The following PDE3B variants were observed in gnomAD, a reference collection of about 807,000 sequenced individuals.
PDE3B encodes the protein cGMP-inhibited 3',5'-cyclic phosphodiesterase 3B.
PDE3B carries 66 observed loss-of-function variants against 116.8 expected under a neutral mutation model. That is an observed-to-expected ratio of 0.56 (90% CI 0.46 to 0.69). The LOEUF (loss-of-function observed/expected upper bound fraction) is 0.69, where lower values mean the gene tolerates loss of function less well. Ranked by LOEUF, PDE3B falls within the 30% of genes least tolerant of loss-of-function variation. The probability of loss-of-function intolerance (pLI) is 0.00; values close to 1 mark genes in which losing one functional copy is unlikely to be tolerated. For missense variants in PDE3B, 1,384 were observed against 1,368.1 expected (o/e 1.01, Z -0.18); for synonymous variants, 595 against 533.6 (o/e 1.12, Z -1.59).
intron 4 of PDE3B, among the ~76,000 whole-genome samples, chr11:14,798,530 C>T (rs774212392): frequency 2.0e-5 from 3 of 151,994 alleles, no homozygotes; most frequent in African/African-American, 2.4e-5. Flanking sequence ...TTGTACCTGT[C>T]GTAGAATTCA....
At position 14,694,449 on chromosome 11, in the gene PDE3B, T is replaced by C. The variant is rs1238673221; in HGVS notation, c.978+49396T>C. Among the ~76,000 whole-genome samples the C allele has an allele frequency of 4.6e-5, 7 of 152,180 alleles. No homozygotes were observed. In the East Asian group the frequency reaches 1.3e-3, roughly 29 times the overall value. ...ACCCTGCCTTCAGCAACCACCACCCTGATAAGTCAGCAGCCATCAGTATTG... is the reference window on the plus strand; with the variant it reads ...ACCCTGCCTTCAGCAACCACCACCCCGATAAGTCAGCAGCCATCAGTATTG... On this transcript the variant is annotated intron_variant, in intron 1 of 15. Transcript: ENST00000282096.
intron 7 of PDE3B, among the ~76,000 whole-genome samples, chr11:14,825,163 C>T (rs1353342847): frequency 2.0e-5 from 3 of 152,118 alleles, no homozygotes; most frequent in Non-Finnish European, 2.9e-5. Flanking sequence ...AAAGGAAGAA[C>T]CATTACCAGG....
chr11:14,791,037 A>G (rs1037601577), intron 4 of PDE3B, among the ~76,000 whole-genome samples: 4 of 152,142 alleles, frequency 2.6e-5, no homozygotes, highest in African/African-American at 7.2e-5. Flanking sequence ...TGACTAAGGA[A>G]CTGACTTTTA....
chr11:14,819,223 AG>A lies in PDE3B; in HGVS notation c.1807+15del. The stretch of plus-strand genomic sequence containing the variant: ...GTGGAAAATCAGGTGAGATTACAAA[AG>A]TCATATGTATTTGAGTTTAAGAGAA... On this transcript the variant is annotated intron_variant, in intron 7 of 15. Coordinates refer to ENST00000282096, the MANE Select transcript of PDE3B (RefSeq NM_000922.4). 2 of 1,512,226 alleles carry A rather than the reference AG, an allele frequency of 1.3e-6. No homozygotes were observed. Among genetic ancestry groups the A allele is most frequent in the Non-Finnish European group, 1.8e-6 (2 of 1,094,752 alleles). 93.7% of individuals were successfully genotyped at this position (1,512,226 alleles called of 1,614,324 possible).
At chr11:14,734,479 T>G (rs1856545249) in intron 1 of PDE3B, among the ~76,000 whole-genome samples, 1 of 152,222 alleles carries the variant, frequency 6.6e-6, no homozygotes, top group South Asian at 2.1e-4. Context: ...TGACACTTTT[T>G]CTTTCTTTTC....
intron 1 of PDE3B, among the ~76,000 whole-genome samples, chr11:14,725,135 C>G (rs1238699649): frequency 6.6e-6 from 1 of 152,146 alleles, no homozygotes; most frequent in East Asian, 1.9e-4. Context: ...AGCCATGCTA[C>G]TTTTGAGGTA....
At chr11:14,780,873 A>G (rs1857972357) in intron 2 of PDE3B, among the ~76,000 whole-genome samples, 1 of 152,220 alleles carries the variant, frequency 6.6e-6, no homozygotes, top group Admixed American at 6.5e-5. Context: ...CAATGAATCC[A>G]GGAGCTGGTT....
intron 1 of PDE3B, among the ~76,000 whole-genome samples, chr11:14,717,772 G>A (rs370245135): frequency 3.5e-4 from 47 of 135,284 alleles, no homozygotes; most frequent in East Asian, 6.6e-4. Flanking sequence ...TGAAGGAAGC[G>A]CTAAACATGG....
At chr11:14,882,292 A>T in the PDE3B span, among the ~76,000 whole-genome samples, 116 of 152,278 alleles carry the variant, frequency 7.6e-4, no homozygotes, top group African/African-American at 2.6e-3. Flanking sequence ...ACAGCACGTA[A>T]AAAGATATAG....
chr11:14,805,376 C>A (rs1298419311), intron 5 of PDE3B, among the ~76,000 whole-genome samples: 2 of 152,162 alleles, frequency 1.3e-5, no homozygotes, highest in Non-Finnish European at 2.9e-5. Context: ...GCATAGAATT[C>A]TTTATCCAAT....
chr11:14,700,981 T>G (rs1855343198), intron 1 of PDE3B: 1 of 151,770 alleles, frequency 6.6e-6, no homozygotes, highest in Non-Finnish European at 1.5e-5. Context: ...GATTATTGAT[T>G]TTGTTCATTA....
chr11:14,648,833 GCTT>G lies in PDE3B; in HGVS notation c.978+3784_978+3786del, dbSNP rs539989055. Among the ~76,000 whole-genome samples the G allele has an allele frequency of 5.7e-3, 861 of 152,164 alleles. 6 individuals are homozygous for G. Among genetic ancestry groups the G allele is most frequent in the Non-Finnish European group, 8.6e-3 (587 of 67,950 alleles). On this transcript the variant is annotated intron_variant, in intron 1 of 15. Coordinates refer to ENST00000282096, the MANE Select transcript of PDE3B (RefSeq NM_000922.4). ...CATGCATTCTAGCTATTTGAGGGCT[GCTT>G]CTTGTTATTGACATTGTTGTGGGTT... is the stretch of plus-strand genomic sequence containing the variant.
rs1856142579 is a variant in PDE3B, at chr11:14,722,377, G to A, written c.979-49560G>A. On this transcript the variant is annotated intron_variant, in intron 1 of 15. Transcript: ENST00000282096. ...CGAGGGTAGCAAAAAATCCATCTGT[G>A]TCAACTGGCAGATAGAGTAAAAAAA... Among the ~76,000 whole-genome samples, 3 of 151,766 alleles carry A rather than the reference G, an allele frequency of 2.0e-5. No homozygotes were observed. The South Asian group carries it at 6.2e-4, about 32-fold the overall frequency.
At chr11:14,856,899 T>C (rs1459107025) in intron 12 of PDE3B, among the ~76,000 whole-genome samples, 1 of 151,926 alleles carries the variant, frequency 6.6e-6, no homozygotes, top group Non-Finnish European at 1.5e-5. Flanking sequence ...ATAATGGCTA[T>C]GACCTAGATT....
chr11:14,840,742 G>A (rs559655528), intron 11 of PDE3B, among the ~76,000 whole-genome samples: 14 of 152,270 alleles, frequency 9.2e-5, no homozygotes, highest in South Asian at 4.1e-4. Context: ...CAGGTCAAGC[G>A]GTGAATCAGT....
chr11:14,674,818 A>G (rs1379943829), intron 1 of PDE3B, among the ~76,000 whole-genome samples: 1 of 152,168 alleles, frequency 6.6e-6, no homozygotes, highest in Non-Finnish European at 1.5e-5. Flanking sequence ...ATTCTAAGAA[A>G]AGTTTTTATT....
intron 2 of PDE3B, among the ~76,000 whole-genome samples, chr11:14,777,828 T>C (rs1339975949): frequency 1.3e-5 from 2 of 152,120 alleles, no homozygotes; most frequent in South Asian, 4.1e-4. Flanking sequence ...GTGCAACCCA[T>C]GGACTGTGAG....
chr11:14,742,998 G>A (rs760519612), intron 1 of PDE3B, among the ~76,000 whole-genome samples: 2 of 152,184 alleles, frequency 1.3e-5, no homozygotes, highest in Non-Finnish European at 2.9e-5. Flanking sequence ...TGAGGTGTCT[G>A]TCAACTCCTG....
intron 1 of PDE3B, among the ~76,000 whole-genome samples, chr11:14,759,914 G>A (rs1857307799): frequency 6.6e-6 from 1 of 152,106 alleles, no homozygotes; most frequent in Non-Finnish European, 1.5e-5. Flanking sequence ...AAGCCCAGAA[G>A]TTAAATAATG....
Sources: allele counts gnomAD v4.1 joint callset (sites outside exome capture counted in the v4.1 genomes callset), GRCh38; gene constraint gnomAD v4.1.1; transcripts MANE v1.5; gene names NCBI Gene and HGNC (gene_info 2026-07-23, HGNC 2026-07-21).